ZNF654: variants seen among roughly 807,000 people sequenced by gnomAD.
The protein encoded by ZNF654 is zinc finger protein 654, also known as melanoma-associated antigen.
ZNF654 carries 19 observed loss-of-function variants against 95.3 expected under a neutral mutation model. The observed-to-expected ratio is 0.20, with a 90% confidence interval of 0.14 to 0.29. ZNF654 has a LOEUF of 0.29. Among genes scored for constraint, ZNF654 ranks in the 10% least tolerant of loss-of-function variants. The probability of loss-of-function intolerance (pLI) is 1.00; values close to 1 mark genes in which losing one functional copy is unlikely to be tolerated. For missense variants in ZNF654, 1,046 were observed against 1,341.0 expected (o/e 0.78, Z 3.44); for synonymous variants, 413 against 457.9 (o/e 0.90, Z 1.25).
intron 6 of ZNF654, 136 bp downstream of exon 6, chr3:88,129,962 T>TCA: frequency 1.4e-6 from 1 of 695,682 alleles, no homozygotes; most frequent in Non-Finnish European, 2.1e-6. Context: ...CAAGGAACAA[T>TCA]AGTAGATTCT....
At chr3:88,101,168 A>G (rs1704399420) in intron 2 of ZNF654, among the ~76,000 whole-genome samples, 1 of 152,118 alleles carries the variant, frequency 6.6e-6, no homozygotes, top group Admixed American at 6.6e-5. Context: ...TTGTCAGTTT[A>G]TAATTCAGTG....
At chr3:88,073,253 A>G (rs916953945) in intron 1 of ZNF654, among the ~76,000 whole-genome samples, 8 of 152,166 alleles carry the variant, frequency 5.3e-5, no homozygotes, top group Non-Finnish European at 8.8e-5. Flanking sequence ...CATTTTCCCA[A>G]TGAGTCTAAT....
At chr3:88,067,462 A>G (rs189124353) in intron 1 of ZNF654, among the ~76,000 whole-genome samples, 55 of 152,314 alleles carry the variant, frequency 3.6e-4, no homozygotes. Context: ...GAGCTCACAT[A>G]GGGAGAGAAA....
chr3:88,128,342 T>A (rs934659656), intron 4 of ZNF654, among the ~76,000 whole-genome samples: 1 of 152,156 alleles, frequency 6.6e-6, no homozygotes, highest in Non-Finnish European at 1.5e-5. Flanking sequence ...ATTCAACTTT[T>A]TCATTAATTC....
At chr3:88,122,062 C>A (rs1705801068) in intron 3 of ZNF654, among the ~76,000 whole-genome samples, 1 of 152,122 alleles carries the variant, frequency 6.6e-6, no homozygotes, top group Non-Finnish European at 1.5e-5. Flanking sequence ...CTTCCTCTTA[C>A]ATAATAATGT....
intron 4 of ZNF654, among the ~76,000 whole-genome samples, chr3:88,126,579 CTTT>C (rs144091813): frequency 0.016 from 1,308 of 81,786 alleles, 12 homozygotes; most frequent in African/African-American, 0.045. Context: ...GTAGAAACAT[CTTT>C]TTTTTTTTTT....
At chr3:88,076,224 T>C (rs1010864671) in intron 1 of ZNF654, among the ~76,000 whole-genome samples, 1 of 152,224 alleles carries the variant, frequency 6.6e-6, no homozygotes, top group Non-Finnish European at 1.5e-5. Flanking sequence ...TTCTGCCTTT[T>C]AAAAAGCAAG....
Position 88,138,689 on chromosome 3 carries a change from A to G in ZNF654, c.1036-16A>G. 2 of 1,227,670 alleles carry G rather than the reference A, an allele frequency of 1.6e-6. No homozygotes were observed. The highest frequency in any genetic ancestry group is 2.0e-6 in the Non-Finnish European group (2 of 983,986). 76.0% of individuals were successfully genotyped at this position (1,227,670 alleles called of 1,614,324 possible). A position where few individuals can be genotyped will look rare whatever the true frequency, so the allele number is the denominator to read the frequency against. On this transcript the variant is annotated splice_polypyrimidine_tract_variant and intron_variant, in intron 7 of 8. Transcript: ENST00000636215. ...TGGAAAAAAAGTATTTAGCACTAAT[A>G]TTTTTCTTTTTACAGGTTGAAGAAG...
In ZNF654 at chr3:88,060,118, C is replaced by CT. The variant is rs751685622; in HGVS notation, c.186+622dup. On this transcript the variant is annotated intron_variant, in intron 1 of 8. Coordinates refer to ENST00000636215, the MANE Select transcript of ZNF654 (RefSeq NM_001350134.2). ...GAGTGCGTTAAGGCAATGTGATTGT[C>CT]TTTTTTTTTAACCTCCTTCGGTTGA... Among the ~76,000 whole-genome samples the CT allele has an allele frequency of 1.4e-3, 213 of 151,326 alleles. 1 individual carries two copies. Among genetic ancestry groups the CT allele is most frequent in the Non-Finnish European group, 5.0e-4 (34 of 67,728 alleles).
At chr3:88,067,746 G>A (rs1689615004) in intron 1 of ZNF654, among the ~76,000 whole-genome samples, 2 of 152,190 alleles carry the variant, frequency 1.3e-5, no homozygotes, top group Admixed American at 1.3e-4. Context: ...GTAGTGATGG[G>A]ATCAGTAGTC....
At chr3:88,088,506 G>A (rs1178932429) in intron 2 of ZNF654, among the ~76,000 whole-genome samples, 2 of 152,126 alleles carry the variant, frequency 1.3e-5, no homozygotes, top group Non-Finnish European at 2.9e-5. Flanking sequence ...AAATGAATTT[G>A]AAATTAAGAA....
rs67079285 is a variant in ZNF654 at position 88,070,563 on chromosome 3, GTTTTTTTTTTTT to G, written c.186+11073_186+11084del. Reference sequence around the variant, plus strand: ...CACTGTGGCAAAGGCAACACTGCCTGTTTTTTTTTTTTTTTTTTTTTTTTTTGCAGATCATAT... The same window carrying G: ...CACTGTGGCAAAGGCAACACTGCCTGTTTTTTTTTTTTTTGCAGATCATAT... On this transcript the variant is annotated intron_variant, in intron 1 of 8. Transcript: ENST00000636215. Among the ~76,000 whole-genome samples the G allele has an allele frequency of 9.9e-4, 110 of 111,292 alleles. 1 individual carries two copies. The highest frequency in any genetic ancestry group is 1.4e-3 in the Non-Finnish European group (77 of 56,656). 73.0% of individuals were successfully genotyped at this position (111,292 alleles called of 152,430 possible).
intron 2 of ZNF654, among the ~76,000 whole-genome samples, chr3:88,111,780 C>T (rs1264265891): frequency 6.6e-6 from 1 of 151,898 alleles, no homozygotes; most frequent in African/African-American, 2.4e-5. Flanking sequence ...TTTACATTCC[C>T]TCCAACAAGA....
chr3:88,069,139 A>G (rs1327739507), intron 1 of ZNF654, among the ~76,000 whole-genome samples: 1 of 55,836 alleles, frequency 1.8e-5, no homozygotes, highest in East Asian at 7.0e-4. Context: ...AGTGATTCTC[A>G]GGCCAGGCGC....
intron 2 of ZNF654, 70 bp downstream of exon 2, chr3:88,086,472 T>G (rs1708339682): frequency 1.2e-5 from 15 of 1,290,240 alleles, no homozygotes; most frequent in Non-Finnish European, 1.5e-5. Flanking sequence ...TTTTGATAAT[T>G]TCTTCTGAAG....
intron 1 of ZNF654, among the ~76,000 whole-genome samples, chr3:88,082,376 T>G (rs1303983321): frequency 6.6e-6 from 1 of 152,198 alleles, no homozygotes; most frequent in Non-Finnish European, 1.5e-5. Context: ...CTGCCCGCCT[T>G]GGCCTCCCAA....
At chr3:88,123,304 T>C (rs1442418520) in intron 3 of ZNF654, among the ~76,000 whole-genome samples, 2 of 152,208 alleles carry the variant, frequency 1.3e-5, no homozygotes, top group Non-Finnish European at 2.9e-5. Context: ...GTCTCCAAAA[T>C]ATGGTATTTT....
Position 88,141,694 on chromosome 3 carries a change from G to GA in ZNF654, c.*48dup. The GA allele has an allele frequency of 1.4e-6, 2 of 1,453,820 alleles. No homozygotes were observed. Among genetic ancestry groups the GA allele is most frequent in the South Asian group, 1.5e-5 (1 of 68,552 alleles). The allele number at this position is 1,453,820 out of a possible 1,614,324, so 90.1% of individuals were successfully genotyped here. On this transcript the variant is annotated 3_prime_UTR_variant, in exon 9 of 9. Transcript: ENST00000636215. ...AGATCTGTCAATCAAGCAGTAGTGT[G>GA]AAAAAAGCACTATAAGAAAATGCAT...
chr3:88,059,501 G>C lies in ZNF654; in HGVS notation c.182G>C (p.Cys61Ser). The C allele has an allele frequency of 6.7e-7, 1 of 1,482,094 alleles. No homozygotes were observed. Among genetic ancestry groups the C allele is most frequent in the Non-Finnish European group, 8.9e-7 (1 of 1,124,382 alleles). 91.8% of individuals were successfully genotyped at this position (1,482,094 alleles called of 1,614,324 possible). ...AGTCGGGATTACTGCCGACGCTTCT[G>C]TCAGGTGAGGCGTCCGTTGGCCGCC... is the stretch of plus-strand genomic sequence containing the variant. ...ISSRDYCRRFCQVVEDYAGRW... is the reference protein window; with the variant it reads ...ISSRDYCRRFSQVVEDYAGRW... Residue 61 changes from cysteine to serine, a missense_variant, in exon 1 of 9, where the codon TGT (cysteine) becomes TCT (serine). Physicochemically the swap from Cys to Ser is moderately radical, Grantham distance 112. This residue lies in a region of ZNF654 where 91 missense variants were observed against 190.5 expected (regional missense o/e 0.48). Transcript: ENST00000636215.
Sources: allele counts gnomAD v4.1 joint callset (sites outside exome capture counted in the v4.1 genomes callset), GRCh38; gene constraint gnomAD v4.1.1; regional missense constraint gnomAD v4.1.1; transcripts MANE v1.5; gene names NCBI Gene and HGNC (gene_info 2026-07-23, HGNC 2026-07-21).